HPCAL1: variants seen among roughly 807,000 people sequenced by gnomAD.
HPCAL1 encodes hippocalcin like 1, also known as hippocalcin-like protein 1.
A neutral mutation model predicts 17.1 loss-of-function variants in HPCAL1; 8 were observed. The ratio of observed to expected loss-of-function variants is 0.47; its 90% CI spans 0.27 to 0.84. The LOEUF (loss-of-function observed/expected upper bound fraction) is 0.84. HPCAL1 is among the 40% of genes least tolerant of loss of function. The pLI is 0.13. For missense variants in HPCAL1, 165 were observed against 271.1 expected, an observed-to-expected ratio of 0.61 and a Z score of 2.75; for synonymous variants, 112 against 111.4, an observed-to-expected ratio of 1.01 and a Z score of -0.03.
intron 3 of HPCAL1, 55 bp downstream of exon 3, chr2:10,420,190 C>T (rs2148033282): frequency 1.4e-6 from 2 of 1,451,628 alleles, no homozygotes; most frequent in East Asian, 2.3e-5. Flanking sequence ...CCTCCCAGCT[C>T]CCAGCCCCCA....
intron 2 of HPCAL1, among the ~76,000 whole-genome samples, chr2:10,410,846 G>A (rs975113683): frequency 2.0e-5 from 3 of 152,102 alleles, no homozygotes; most frequent in Non-Finnish European, 2.9e-5. Context: ...TTGCTCGGTC[G>A]TCTTACTAGA....
intron 1 of HPCAL1, among the ~76,000 whole-genome samples, chr2:10,339,564 G>T (rs374328112): frequency 8.5e-5 from 13 of 152,180 alleles, no homozygotes; most frequent in Non-Finnish European, 4.4e-5. Context: ...GGCCAGGCTG[G>T]TCTTCAACTC....
chr2:10,329,461 G>C (rs1275047172), intron 1 of HPCAL1, among the ~76,000 whole-genome samples: 1 of 152,192 alleles, frequency 6.6e-6, no homozygotes, highest in Admixed American at 6.5e-5. Context: ...AACACTGCTG[G>C]CTCTGCTGAC....
intron 1 of HPCAL1, among the ~76,000 whole-genome samples, chr2:10,309,046 T>G (rs553706842): frequency 1.3e-5 from 2 of 152,184 alleles, no homozygotes; most frequent in South Asian, 4.2e-4. Context: ...ACAAACTTTT[T>G]TTTTTTGAGA....
At chr2:10,388,808 G>A (rs551823662) in intron 1 of HPCAL1, among the ~76,000 whole-genome samples, 12 of 152,330 alleles carry the variant, frequency 7.9e-5, no homozygotes, top group Non-Finnish European at 1.8e-4. Context: ...GGTCGCTGCA[G>A]CATCTTGGTG....
intron 1 of HPCAL1, among the ~76,000 whole-genome samples, chr2:10,311,091 A>C (rs1301934236): frequency 6.6e-6 from 1 of 152,180 alleles, no homozygotes; most frequent in Non-Finnish European, 1.5e-5. Context: ...TGTGGGATGT[A>C]GGAGGTCCAG....
At chr2:10,356,684 G>T (rs1051141163) in intron 1 of HPCAL1, among the ~76,000 whole-genome samples, 1 of 152,100 alleles carries the variant, frequency 6.6e-6, no homozygotes, top group Non-Finnish European at 1.5e-5. Flanking sequence ...AGGAAATCAC[G>T]TCCCCCAGTG....
At chr2:10,399,280 TCACCACCAC>T (rs1558517718) in intron 2 of HPCAL1, among the ~76,000 whole-genome samples, 6 of 7,396 alleles carry the variant, frequency 8.1e-4, no homozygotes, top group East Asian at 4.2e-3. Flanking sequence ...ACCACCACCA[TCACCACCAC>T]CACCACCATC....
At chr2:10,393,977 G>T (rs1473088594) in intron 1 of HPCAL1, among the ~76,000 whole-genome samples, 1 of 124,452 alleles carries the variant, frequency 8.0e-6, no homozygotes, top group African/African-American at 2.9e-5. Context: ...AAAAAAAAAA[G>T]ATTGGGGTGC....
Position 10,355,653 on chromosome 2 carries a change from G to A in HPCAL1, c.-110-41182G>A, listed in dbSNP as rs564753698. On this transcript the variant is annotated intron_variant, in intron 1 of 4. Coordinates refer to ENST00000307845, the MANE Select transcript of HPCAL1 (RefSeq NM_002149.4). ...GCTTATACAGGGACACCCAGAGAGC[G>A]GCTGGGAAAATCAAGAACTGTGTCA... Among the ~76,000 whole-genome samples, 16 of 152,134 alleles carry A rather than the reference G, an allele frequency of 1.1e-4. No homozygotes were observed. In the South Asian group the frequency reaches 3.3e-3, roughly 32 times the overall value.
intron 3 of HPCAL1, among the ~76,000 whole-genome samples, chr2:10,421,688 G>A (rs1415022066): frequency 2.0e-5 from 3 of 152,146 alleles, no homozygotes; most frequent in Non-Finnish European, 2.9e-5. Flanking sequence ...GTGACAGAGT[G>A]AGACCCTGCC....
chr2:10,386,778 G>A (rs560359265), intron 1 of HPCAL1, among the ~76,000 whole-genome samples: 188 of 152,226 alleles, frequency 1.2e-3, no homozygotes, highest in African/African-American at 4.4e-3. Context: ...CACCAGCCCC[G>A]CTGCCTGGAC....
At chr2:10,410,436 C>CTTTTTTTTTTTTTTTTTTTTTTTTT (rs36002921) in intron 2 of HPCAL1, among the ~76,000 whole-genome samples, 1 of 77,496 alleles carries the variant, frequency 1.3e-5, no homozygotes, top group Non-Finnish European at 2.3e-5. Context: ...TCTTCTTCTT[C>CTTTTTTTTTTTTTTTTTTTTTTTTT]TTTTTTTTTT....
At chr2:10,303,378 G>A (rs1227114491) in intron 1 of HPCAL1, among the ~76,000 whole-genome samples, 2 of 152,218 alleles carry the variant, frequency 1.3e-5, no homozygotes, top group African/African-American at 4.8e-5. Context: ...TTCGAATGGC[G>A]TGTACTCGTG....
In HPCAL1 at chr2:10,362,712, G is replaced by A. The variant is rs1572720236; in HGVS notation, c.-110-34123G>A. 6.6e-6 allele frequency among the ~76,000 whole-genome samples: 1 copy of A among 152,358 alleles called. No homozygotes were observed. The highest frequency in any genetic ancestry group is 2.1e-4 in the South Asian group (1 of 4,834). On this transcript the variant is annotated intron_variant, in intron 1 of 4. Transcript: ENST00000307845. The surrounding 1 kb of genome is among the most constrained non-coding windows in gnomAD (Gnocchi z 5.0). ...CTGAGGCCATCCCAAATGCGAGTCT[G>A]TTCACAGAGGGGCTCTCCTGGCACC... is the stretch of plus-strand genomic sequence containing the variant.
intron 2 of HPCAL1, among the ~76,000 whole-genome samples, chr2:10,412,211 C>T (rs142585709): frequency 1.3e-5 from 2 of 152,348 alleles, no homozygotes; most frequent in East Asian, 3.9e-4. Flanking sequence ...CAGCCTTTCT[C>T]AGCCGGGGTT....
chr2:10,323,304 T>C lies in HPCAL1; in HGVS notation c.-111+20127T>C, dbSNP rs1663792092. Among the ~76,000 whole-genome samples the C allele has an allele frequency of 6.6e-6, 1 of 152,248 alleles. No individual in the cohort carries two copies. The highest frequency in any genetic ancestry group is 2.4e-5 in the African/African-American group (1 of 41,456). On this transcript the variant is annotated intron_variant, in intron 1 of 4. Transcript: ENST00000307845. The surrounding 1 kb of genome is among the most constrained non-coding windows in gnomAD (Gnocchi z 4.6). The stretch of plus-strand genomic sequence containing the variant: ...GCTCCCCTTTCTCAGTTGTCCCCTG[T>C]GCCTCTTGTACCCTAACTTCAGTGT...
intron 1 of HPCAL1, among the ~76,000 whole-genome samples, chr2:10,340,226 C>T (rs1050259628): frequency 2.0e-4 from 30 of 152,314 alleles, no homozygotes; most frequent in Middle Eastern, 3.4e-3. Context: ...TTTGGAGAAG[C>T]GGCTTAACAT....
At chr2:10,309,517 C>T (rs1254113485) in intron 1 of HPCAL1, among the ~76,000 whole-genome samples, 3 of 152,150 alleles carry the variant, frequency 2.0e-5, no homozygotes, top group Non-Finnish European at 2.9e-5. Context: ...TTTTCCTGTA[C>T]GAGTCTTGTC....
Sources: allele counts gnomAD v4.1 joint callset (sites outside exome capture counted in the v4.1 genomes callset), GRCh38; gene constraint gnomAD v4.1.1; non-coding constraint Gnocchi (gnomAD v3.1); transcripts MANE v1.5; gene names NCBI Gene and HGNC (gene_info 2026-07-23, HGNC 2026-07-21).